Variants in ZNF385D observed in about 807,000 individuals in gnomAD.
ZNF385D encodes zinc finger protein 659.
A neutral mutation model predicts 35.8 loss-of-function variants in ZNF385D; 15 were observed. That is an observed-to-expected ratio of 0.42 (90% confidence interval 0.28 to 0.64). ZNF385D has a LOEUF of 0.64. Ranked by LOEUF, ZNF385D falls within the 30% of genes least tolerant of loss-of-function variation. The probability of loss-of-function intolerance (pLI) is 0.23; values close to 1 mark genes in which losing one functional copy is unlikely to be tolerated. For missense variants in ZNF385D, 474 were observed against 494.6 expected, an observed-to-expected ratio of 0.96 and a Z score of 0.39; for synonymous variants, 212 against 186.8, an observed-to-expected ratio of 1.13 and a Z score of -1.10.
chr3:22,261,778 T>C (rs1700645898), intron 2 of ZNF385D, among the ~76,000 whole-genome samples: 1 of 151,918 alleles, frequency 6.6e-6, no homozygotes, highest in South Asian at 2.1e-4. Flanking sequence ...TCTGTTGGCT[T>C]CTTCAACAGC....
intron 2 of ZNF385D, among the ~76,000 whole-genome samples, chr3:21,645,855 A>G (rs751383125): frequency 5.3e-5 from 8 of 152,186 alleles, no homozygotes; most frequent in Non-Finnish European, 1.0e-4. Context: ...TTCTAGGTCC[A>G]TGTTCAGCAT....
intron 3 of ZNF385D, among the ~76,000 whole-genome samples, chr3:21,930,358 G>A (rs917313334): frequency 6.8e-6 from 1 of 147,682 alleles, no homozygotes; most frequent in Non-Finnish European, 1.5e-5. Context: ...ATATATAAAA[G>A]AACTTATCAT....
intron 2 of ZNF385D, among the ~76,000 whole-genome samples, chr3:21,659,091 C>T (rs1044034553): frequency 2.6e-5 from 4 of 151,982 alleles, no homozygotes; most frequent in African/African-American, 9.7e-5. Context: ...TGCTTCTTCT[C>T]TTCTTCTTTC....
At chr3:21,965,369 G>A (rs187988723) in intron 3 of ZNF385D, among the ~76,000 whole-genome samples, 2 of 152,136 alleles carry the variant, frequency 1.3e-5, no homozygotes, top group East Asian at 3.9e-4. Flanking sequence ...ACTAATGATG[G>A]GGAAACACAA....
At chr3:21,692,367 A>AT (rs2067311213) in intron 1 of ZNF385D, among the ~76,000 whole-genome samples, 2 of 152,136 alleles carry the variant, frequency 1.3e-5, no homozygotes, top group Non-Finnish European at 2.9e-5. Flanking sequence ...ATTTTCTAAT[A>AT]CATCCATTTC....
intron 3 of ZNF385D, among the ~76,000 whole-genome samples, chr3:22,042,679 G>A (rs139984865): frequency 1.3e-5 from 2 of 152,176 alleles, no homozygotes; most frequent in Non-Finnish European, 1.5e-5. Flanking sequence ...TCCTCTAAAG[G>A]ATCAAAAGTC....
At chr3:22,074,343 C>T (rs139412859) in intron 3 of ZNF385D, among the ~76,000 whole-genome samples, 3 of 151,984 alleles carry the variant, frequency 2.0e-5, no homozygotes. Context: ...GTTTCAATAG[C>T]TGTAATTCTA....
chr3:21,732,037 T>G lies in ZNF385D; in HGVS notation c.22+18858A>C, dbSNP rs1215661739. The stretch of plus-strand genomic sequence containing the variant: ...TTTTTTTCTTTTTTCGGGGTTTTTT[T>G]TTTTTTTTTTTTTTTTTTTTTTTTT... On this transcript the variant is annotated intron_variant, in intron 1 of 7. Transcript: ENST00000281523. Among the ~76,000 whole-genome samples the G allele has an allele frequency of 1.7e-3, 25 of 15,128 alleles. 7 individuals carry two copies. Among genetic ancestry groups the G allele is most frequent in the African/African-American group, 4.8e-3 (20 of 4,204 alleles). 9.9% of individuals were successfully genotyped at this position (15,128 alleles called of 152,430 possible).
chr3:21,718,144 T>A (rs1363815844), intron 1 of ZNF385D, among the ~76,000 whole-genome samples: 1 of 152,182 alleles, frequency 6.6e-6, no homozygotes, highest in Non-Finnish European at 1.5e-5. Context: ...GGCATATGTC[T>A]CCCACAAATG....
chr3:22,036,574 A>G (rs1186383483), intron 3 of ZNF385D, among the ~76,000 whole-genome samples: 3 of 152,094 alleles, frequency 2.0e-5, no homozygotes, highest in Non-Finnish European at 4.4e-5. Flanking sequence ...TTTTAGGAAA[A>G]AAACAAATTA....
intron 2 of ZNF385D, among the ~76,000 whole-genome samples, chr3:21,587,419 C>G (rs1330699644): frequency 6.6e-6 from 1 of 152,068 alleles, no homozygotes; most frequent in Non-Finnish European, 1.5e-5. Context: ...TTTAAGTCAG[C>G]AATACCTTTT....
intron 3 of ZNF385D, among the ~76,000 whole-genome samples, chr3:21,517,450 A>T (rs1707647591): frequency 1.3e-5 from 2 of 152,182 alleles, no homozygotes; most frequent in Admixed American, 1.3e-4. Context: ...ATGGCCAGCA[A>T]TGTGTTGGTT....
At chr3:22,251,068 G>C (rs531801571) in intron 2 of ZNF385D, among the ~76,000 whole-genome samples, 4 of 152,080 alleles carry the variant, frequency 2.6e-5, no homozygotes, top group South Asian at 4.1e-4. Flanking sequence ...AAATGCACTA[G>C]ACTAACTACT....
chr3:21,643,068 A>T (rs2065653344), intron 2 of ZNF385D, among the ~76,000 whole-genome samples: 1 of 152,152 alleles, frequency 6.6e-6, no homozygotes, highest in South Asian at 2.1e-4. Flanking sequence ...AATGGTTAAA[A>T]TGGTAAAGTT....
At chr3:22,312,415 A>G (rs1703612589) in intron 2 of ZNF385D, among the ~76,000 whole-genome samples, 2 of 152,176 alleles carry the variant, frequency 1.3e-5, no homozygotes, top group Admixed American at 1.3e-4. Flanking sequence ...CATTTTTAGT[A>G]CTAAAGAGCT....
chr3:21,587,032 G>A (rs1378186950), intron 2 of ZNF385D, among the ~76,000 whole-genome samples: 1 of 152,100 alleles, frequency 6.6e-6, no homozygotes, highest in African/African-American at 2.4e-5. Flanking sequence ...GTAAACGTAT[G>A]AAAGAATGTT....
intron 3 of ZNF385D, among the ~76,000 whole-genome samples, chr3:21,831,956 T>C (rs984216675): frequency 6.6e-6 from 1 of 152,210 alleles, no homozygotes; most frequent in African/African-American, 2.4e-5. Flanking sequence ...TAAATGTGCT[T>C]TTAAAATATA....
chr3:21,827,258 C>T (rs1413762643), intron 3 of ZNF385D, among the ~76,000 whole-genome samples: 1 of 152,154 alleles, frequency 6.6e-6, no homozygotes, highest in African/African-American at 2.4e-5. Flanking sequence ...GAAATAAATA[C>T]TACAGCTTCC....
At chr3:22,316,734 G>C (rs1474397955) in intron 2 of ZNF385D, among the ~76,000 whole-genome samples, 1 of 152,094 alleles carries the variant, frequency 6.6e-6, no homozygotes, top group Admixed American at 6.6e-5. Context: ...ATTAAATAAT[G>C]TTTTGTCTAC....
Sources: gnomAD v4.1 joint callset for allele counts (sites outside exome capture counted in the v4.1 genomes callset) on GRCh38, gnomAD v4.1.1 for gene constraint, MANE v1.5 for transcripts, NCBI Gene and HGNC (gene_info 2026-07-23, HGNC 2026-07-21) for gene names.